The following LRRC74A variants were observed in gnomAD, a reference collection of about 807,000 sequenced individuals.
LRRC74A encodes the protein leucine rich repeat containing 74A, also known as leucine-rich repeat-containing protein 74A.
LRRC74A carries 44 observed loss-of-function variants against 57.9 expected under a neutral mutation model. The ratio of observed to expected loss-of-function variants is 0.76; its 90% CI spans 0.60 to 0.98. The LOEUF (loss-of-function observed/expected upper bound fraction) is 0.98. Ranked by LOEUF, LRRC74A falls within the 50% of genes least tolerant of loss-of-function variation. The pLI, the probability that LRRC74A is intolerant of heterozygous loss-of-function variation, is 0.00. For missense variants in LRRC74A, 572 were observed against 574.0 expected, an observed-to-expected ratio of 1.00 and a Z score of 0.04; for synonymous variants, 211 against 219.4, an observed-to-expected ratio of 0.96 and a Z score of 0.34.
At chr14:76,864,123 C>A (rs1048022160) in intron 11 of LRRC74A, among the ~76,000 whole-genome samples, 2 of 152,186 alleles carry the variant, frequency 1.3e-5, no homozygotes. Context: ...TCTGCCATAG[C>A]GCTCAGCAGC....
chr14:76,866,768 T>G (rs1193573877), intron 12 of LRRC74A, among the ~76,000 whole-genome samples: 1 of 151,708 alleles, frequency 6.6e-6, no homozygotes, highest in Non-Finnish European at 1.5e-5. Flanking sequence ...CCTGCCTTAT[T>G]GCCCCCAAAA....
intron 5 of LRRC74A, among the ~76,000 whole-genome samples, chr14:76,842,450 T>C (rs1012921944): frequency 1.3e-5 from 2 of 152,232 alleles, no homozygotes; most frequent in African/African-American, 4.8e-5. Context: ...GAAATCAGAA[T>C]CTTTGGCAGG....
At chr14:76,864,409 AAGG>A (rs1566744685) in intron 11 of LRRC74A, among the ~76,000 whole-genome samples, 1 of 826 alleles carries the variant, frequency 1.2e-3, no homozygotes, top group East Asian at 0.016. Context: ...GAGTGAGAGG[AAGG>A]GGGGGGGGGG....
At chr14:76,828,218 G>A (rs561030028) in intron 1 of LRRC74A, 73 bp from the exon 2 acceptor site, 25 of 1,520,472 alleles carry the variant, frequency 1.6e-5, no homozygotes, top group Admixed American at 6.0e-5. Context: ...ATGGAGGGGC[G>A]GCAGCGGCAG....
intron 7 of LRRC74A, among the ~76,000 whole-genome samples, chr14:76,850,771 A>G (rs1407087054): frequency 3.3e-5 from 5 of 150,122 alleles, no homozygotes; most frequent in South Asian, 2.2e-4. Context: ...GGGAGGCTGA[A>G]GCAGGAGAAT....
intron 3 of LRRC74A, among the ~76,000 whole-genome samples, chr14:76,833,407 C>T (rs968827479): frequency 1.4e-5 from 2 of 146,986 alleles, no homozygotes; most frequent in African/African-American, 2.5e-5. Context: ...TGAGAGAGAA[C>T]GAGAGAGAGA....
chr14:76,868,504 C>T (rs1479728972), intron 13 of LRRC74A, among the ~76,000 whole-genome samples: 3 of 152,160 alleles, frequency 2.0e-5, no homozygotes, highest in Non-Finnish European at 4.4e-5. Flanking sequence ...GCCAAATTCT[C>T]GCAGCTGGGA....
At position 76,839,953 on chromosome 14, in the gene LRRC74A, T is replaced by C. The variant is rs530498707; in HGVS notation, c.544+1982T>C. Among the ~76,000 whole-genome samples the C allele has an allele frequency of 4.6e-5, 7 of 152,244 alleles. No individual in the cohort carries two copies. In the South Asian group the frequency reaches 6.2e-4, roughly 14 times the overall value. ...ACCATGTTGGCCAGGATGGTCTCGA[T>C]CTCTTGACCTTGTGATCTGCCCGCC... On this transcript the variant is annotated intron_variant, in intron 5 of 13. Transcript: ENST00000689127.
At chr14:76,857,897 T>C (rs1423299558) in intron 10 of LRRC74A, among the ~76,000 whole-genome samples, 1 of 152,216 alleles carries the variant, frequency 6.6e-6, no homozygotes, top group East Asian at 1.9e-4. Context: ...TTTCATGAGT[T>C]GGCCTGTTAG....
At chr14:76,836,345 A>G (rs1595350600) in intron 4 of LRRC74A, 31 bp downstream of exon 4, 1 of 1,505,922 alleles carries the variant, frequency 6.6e-7, no homozygotes, top group East Asian at 2.3e-5. Context: ...GGCTCTTACC[A>G]TCATCCCTGG....
intron 7 of LRRC74A, among the ~76,000 whole-genome samples, chr14:76,851,499 AG>A (rs1416121919): frequency 6.6e-6 from 1 of 152,090 alleles, no homozygotes; most frequent in African/African-American, 2.4e-5. Flanking sequence ...CTGGGACTAC[AG>A]GTGTGTGCCA....
chr14:76,829,649 C>T (rs1595337774), intron 2 of LRRC74A, among the ~76,000 whole-genome samples: 1 of 152,198 alleles, frequency 6.6e-6, no homozygotes, highest in East Asian at 1.9e-4. Flanking sequence ...AGCATCAAAC[C>T]CAGCAGAATT....
Position 76,831,395 on chromosome 14 carries a change from C to T in LRRC74A, c.339+20C>T. ...CTGGTGGTGAGCATGCTAGTGGGAG[C>T]TCATGAAACCTGGAGGAGGTGGAGG... On this transcript the variant is annotated intron_variant, in intron 3 of 13. Coordinates refer to ENST00000689127, the MANE Select transcript of LRRC74A (RefSeq NM_001385106.1). The T allele has an allele frequency of 1.2e-6, 2 of 1,610,838 alleles. No homozygotes were observed. The highest frequency in any genetic ancestry group is 3.3e-5 in the Admixed American group (2 of 59,944).
chr14:76,831,165 G>GGAAGAGAAATCCTAC (rs754825649), intron 2 of LRRC74A, 38 bp from the exon 3 acceptor site: 1 of 1,606,714 alleles, frequency 6.2e-7, no homozygotes, highest in Non-Finnish European at 8.5e-7. Flanking sequence ...AGGCAAAGGT[G>GGAAGAGAAATCCTAC]GAAGAGAAAT....
intron 11 of LRRC74A, among the ~76,000 whole-genome samples, chr14:76,864,445 C>T (rs925052054): frequency 1.5e-3 from 10 of 6,554 alleles, no homozygotes; most frequent in Admixed American, 4.8e-3. Context: ...AGGGGGGTGG[C>T]GGGGGAGAAG....
chr14:76,843,620 A>T (rs542471872), intron 5 of LRRC74A, among the ~76,000 whole-genome samples: 1 of 152,280 alleles, frequency 6.6e-6, no homozygotes, highest in South Asian at 2.1e-4. Context: ...GAGGGTAAAC[A>T]GTTGCCTTGT....
intron 3 of LRRC74A, among the ~76,000 whole-genome samples, chr14:76,835,792 G>A (rs1012768285): frequency 2.0e-5 from 3 of 152,036 alleles, no homozygotes; most frequent in African/African-American, 7.3e-5. Context: ...TAGAAGAAAG[G>A]CCTCTGAAGA....
At chr14:76,836,552 C>T (rs1896356988) in intron 4 of LRRC74A, among the ~76,000 whole-genome samples, 1 of 152,220 alleles carries the variant, frequency 6.6e-6, no homozygotes, top group Non-Finnish European at 1.5e-5. Context: ...GCAATCCCAG[C>T]ACTTTGGGAG....
At chr14:76,838,572 C>T (rs1174403947) in intron 5 of LRRC74A, among the ~76,000 whole-genome samples, 2 of 152,102 alleles carry the variant, frequency 1.3e-5, no homozygotes, top group Non-Finnish European at 2.9e-5. Context: ...AATGAATGAG[C>T]AGCAATATTT....
Sources: gnomAD v4.1 joint callset for allele counts (sites outside exome capture counted in the v4.1 genomes callset) on GRCh38, gnomAD v4.1.1 for gene constraint, MANE v1.5 for transcripts, NCBI Gene and HGNC (gene_info 2026-07-23, HGNC 2026-07-21) for gene names.